Variants in RAB11FIP2 observed in about 807,000 individuals in gnomAD.
The protein encoded by RAB11FIP2 is rab11 family-interacting protein 2.
In RAB11FIP2, 16 loss-of-function variants were observed where a neutral mutation model predicts 40.9. The ratio of observed to expected loss-of-function variants is 0.39; its 90% confidence interval spans 0.26 to 0.59. The LOEUF is 0.59. Ranked by LOEUF, RAB11FIP2 falls within the 20% of genes least tolerant of loss-of-function variation. The pLI is 0.53. For missense variants in RAB11FIP2, 532 were observed against 606.2 expected (o/e 0.88, Z 1.28); for synonymous variants, 228 against 213.7 (o/e 1.07, Z -0.58).
chr10:118,013,594 A>G (rs1221945009), intron 4 of RAB11FIP2, among the ~76,000 whole-genome samples: 1 of 152,126 alleles, frequency 6.6e-6, no homozygotes, highest in Non-Finnish European at 1.5e-5. Context: ...CTTTTCTTCA[A>G]TCATGATCAG....
At chr10:118,011,106 G>A (rs1486171405) in intron 4 of RAB11FIP2, among the ~76,000 whole-genome samples, 1 of 152,018 alleles carries the variant, frequency 6.6e-6, no homozygotes, top group East Asian at 1.9e-4. Context: ...GCTAAGATTA[G>A]GTATAGGGCT....
At chr10:118,026,561 G>A (rs185209232) in intron 3 of RAB11FIP2, among the ~76,000 whole-genome samples, 99 of 152,284 alleles carry the variant, frequency 6.5e-4, no homozygotes, top group African/African-American at 2.3e-3. Context: ...AAAGGGGACT[G>A]AAATGTTCTG....
intron 4 of RAB11FIP2, among the ~76,000 whole-genome samples, chr10:118,010,994 T>A (rs1013584185): frequency 1.3e-5 from 2 of 151,230 alleles, no homozygotes; most frequent in Admixed American, 1.3e-4. Context: ...ACTTTTGCTA[T>A]GGAAAATAGG....
intron 4 of RAB11FIP2, among the ~76,000 whole-genome samples, chr10:118,013,087 T>G (rs1589637180): frequency 6.6e-6 from 1 of 152,102 alleles, no homozygotes; most frequent in Admixed American, 6.6e-5. Context: ...AAATGTACAT[T>G]TTTTACAATA....
chr10:118,037,940 A>G (rs11198244), intron 3 of RAB11FIP2, among the ~76,000 whole-genome samples: 83,607 of 151,894 alleles, frequency 0.55, 26,896 homozygotes, highest in Non-Finnish European at 0.73. Flanking sequence ...ATTACTTATA[A>G]TACCTAATAC....
intron 3 of RAB11FIP2, among the ~76,000 whole-genome samples, chr10:118,027,847 T>G (rs1846363704): frequency 6.6e-6 from 1 of 152,194 alleles, no homozygotes; most frequent in Non-Finnish European, 1.5e-5. Flanking sequence ...TGCCGTTTAC[T>G]AAAACAGAGT....
intron 3 of RAB11FIP2, among the ~76,000 whole-genome samples, chr10:118,022,470 G>C (rs1414428349): frequency 6.6e-6 from 1 of 152,104 alleles, no homozygotes; most frequent in Non-Finnish European, 1.5e-5. Context: ...AAGTCCACTG[G>C]ATTTTATCCA....
Position 118,039,170 on chromosome 10 carries a change from T to C in RAB11FIP2, c.1067A>G (p.Lys356Arg). 6.2e-7 allele frequency: 1 copy of C among 1,613,708 alleles called. No individual in the cohort carries two copies. Among genetic ancestry groups the C allele is most frequent in the Non-Finnish European group, 8.5e-7 (1 of 1,179,816 alleles). ...RKENKREKREKVSLFERVTGK... is the reference protein window; with the variant it reads ...RKENKREKRERVSLFERVTGK... Reference sequence around the variant, plus strand: ...AGTCACTCTTTCAAACAGGCTAACTTTCTCCCTTTTCTCTCTTTTATTTTC... The same window carrying C: ...AGTCACTCTTTCAAACAGGCTAACTCTCTCCCTTTTCTCTCTTTTATTTTC... The change falls in exon 3 of 5, where the codon AAA (lysine) becomes AGA (arginine). Residue 356 changes from lysine (K) to arginine (R), a missense_variant. Coordinates refer to ENST00000355624, the MANE Select transcript of RAB11FIP2 (RefSeq NM_014904.3).
chr10:118,015,112 T>C lies in RAB11FIP2; in HGVS notation c.1266-2A>G. The C allele has an allele frequency of 6.2e-7, 1 of 1,604,786 alleles. No homozygotes were observed. The highest frequency in any genetic ancestry group is 8.5e-7 in the Non-Finnish European group (1 of 1,174,786). ...TTGCTTGTTGGACTCATATGAAAAC[T>C]AATAAAACACAAACAAATGTTAAAA... On this transcript the variant is annotated splice_acceptor_variant, in intron 3 of 4. Coordinates refer to ENST00000355624, the MANE Select transcript of RAB11FIP2 (RefSeq NM_014904.3). LOFTEE classifies it high-confidence loss of function.
At chr10:118,032,273 C>T (rs1158927143) in intron 3 of RAB11FIP2, among the ~76,000 whole-genome samples, 6 of 152,078 alleles carry the variant, frequency 3.9e-5, no homozygotes, top group African/African-American at 1.4e-4. Context: ...TCATTCATCA[C>T]TATTGACTCT....
At chr10:118,026,481 C>G (rs1846345580) in intron 3 of RAB11FIP2, among the ~76,000 whole-genome samples, 1 of 152,154 alleles carries the variant, frequency 6.6e-6, no homozygotes, top group African/African-American at 2.4e-5. Flanking sequence ...AAGAGCCAAC[C>G]TCCGAATCTT....
Position 118,039,414 on chromosome 10 carries a change from T to A in RAB11FIP2, c.823A>T (p.Thr275Ser). The change falls in exon 3 of 5, where the codon ACA (threonine) becomes TCA (serine). Residue 275 changes from threonine to serine, a missense_variant. Physicochemically the swap from Thr to Ser is moderately conservative, Grantham distance 58. Transcript: ENST00000355624. ...SGSLKSPHRR[T>S]LSFDTSKMNQ... ...ATTTTAGAAGTATCAAAGCTTAATG[T>A]TCTTCTGTGTGGAGATTTGAGACTT... The A allele has an allele frequency of 6.2e-7, 1 of 1,612,728 alleles. No homozygotes were observed. The highest frequency in any genetic ancestry group is 8.5e-7 in the Non-Finnish European group (1 of 1,179,146).
At chr10:118,033,985 T>G in intron 3 of RAB11FIP2, 1 of 702,030 alleles carries the variant, frequency 1.4e-6, no homozygotes, top group South Asian at 1.5e-5. Flanking sequence ...TACTTACAGC[T>G]CTGCCCATCT....
intron 3 of RAB11FIP2, among the ~76,000 whole-genome samples, chr10:118,019,576 C>A (rs1846259102): frequency 6.6e-6 from 1 of 151,870 alleles, no homozygotes; most frequent in South Asian, 2.1e-4. Context: ...GTAATCCCAG[C>A]ACTTTGGGAG....
chr10:118,026,718 C>A (rs1276020728), intron 3 of RAB11FIP2, among the ~76,000 whole-genome samples: 1 of 152,206 alleles, frequency 6.6e-6, no homozygotes, highest in African/African-American at 2.4e-5. Context: ...ATCTATCCTG[C>A]AATATCCTTA....
chr10:118,016,284 T>C (rs1846218942), intron 3 of RAB11FIP2, among the ~76,000 whole-genome samples: 1 of 152,168 alleles, frequency 6.6e-6, no homozygotes, highest in Admixed American at 6.5e-5. Context: ...CTGGGTTGCA[T>C]GTAGAGAGAG....
chr10:118,041,252 G>GA (rs890734091), intron 1 of RAB11FIP2, among the ~76,000 whole-genome samples: 69 of 142,878 alleles, frequency 4.8e-4, no homozygotes, highest in East Asian at 1.4e-3. Context: ...TTTTCAAAAG[G>GA]AAAAAAAAAA....
In RAB11FIP2 at chr10:118,008,767, T is replaced by G; in HGVS notation, c.*231A>C. 2 of 500,520 alleles carry G rather than the reference T, an allele frequency of 4.0e-6. No homozygotes were observed. The highest frequency in any genetic ancestry group is 7.2e-6 in the Non-Finnish European group (2 of 277,074). The allele number at this position is 500,520 out of a possible 1,614,324, so 31.0% of individuals were successfully genotyped here. A position where few individuals can be genotyped will look rare whatever the true frequency, so the allele number is the denominator to read the frequency against. On this transcript the variant is annotated 3_prime_UTR_variant, in exon 5 of 5. Coordinates refer to ENST00000355624, the MANE Select transcript of RAB11FIP2 (RefSeq NM_014904.3). ...GAGTGAGTCCTAAGGAACCACTTAT[T>G]CATTGAGAATCTGGCCCATTTTCAA...
Position 118,008,906 on chromosome 10 carries a change from T to C in RAB11FIP2, c.*92A>G, listed in dbSNP as rs142307839. The C allele has an allele frequency of 6.1e-6, 6 of 988,934 alleles. No individual in the cohort carries two copies. The highest frequency in any genetic ancestry group is 2.2e-4 in the Middle Eastern group (1 of 4,604). The allele number at this position is 988,934 out of a possible 1,614,324, so 61.3% of individuals were successfully genotyped here. On this transcript the variant is annotated 3_prime_UTR_variant, in exon 5 of 5. Coordinates refer to ENST00000355624, the MANE Select transcript of RAB11FIP2 (RefSeq NM_014904.3). ...AAGGAGAATATGTAATGAAACCTGATAGTGTAGTCTCTTTCAGTAACAAGT... is the reference window on the plus strand; with the variant it reads ...AAGGAGAATATGTAATGAAACCTGACAGTGTAGTCTCTTTCAGTAACAAGT...
Sources: gnomAD v4.1 joint callset for allele counts (sites outside exome capture counted in the v4.1 genomes callset) on GRCh38, gnomAD v4.1.1 for gene constraint, MANE v1.5 for transcripts, NCBI Gene and HGNC (gene_info 2026-07-23, HGNC 2026-07-21) for gene names.